The following USP7 variants were observed in gnomAD, a reference collection of about 807,000 sequenced individuals.
The protein encoded by USP7 is ubiquitin specific peptidase 7, also known as ubiquitin C-terminal hydrolase 7.
A neutral mutation model predicts 162.9 loss-of-function variants in USP7; 9 were observed. That is an observed-to-expected ratio of 0.06 (90% CI 0.03 to 0.10). The LOEUF (loss-of-function observed/expected upper bound fraction) is 0.10. Among genes scored for constraint, USP7 ranks in the 10% least tolerant of loss-of-function variants. The probability of loss-of-function intolerance (pLI) is 1.00; values close to 1 mark genes in which losing one functional copy is unlikely to be tolerated. For synonymous variants in USP7, 562 were observed against 475.9 expected, an observed-to-expected ratio of 1.18 and a Z score of -2.35; for missense variants, 715 against 1,373.7, an observed-to-expected ratio of 0.52 and a Z score of 7.58.
intron 1 of USP7, among the ~76,000 whole-genome samples, chr16:8,932,026 T>C (rs1444751062): frequency 2.0e-5 from 3 of 152,110 alleles, no homozygotes; most frequent in Non-Finnish European, 4.4e-5. Flanking sequence ...CAGCAAGCAA[T>C]CTGATTCAGC....
At chr16:8,944,087 T>C (rs1899173740) in intron 1 of USP7, among the ~76,000 whole-genome samples, 1 of 152,154 alleles carries the variant, frequency 6.6e-6, no homozygotes, top group Admixed American at 6.6e-5. Flanking sequence ...TGGGACAATA[T>C]CCATAATACA....
chr16:8,913,220 G>A (rs1049875672), intron 10 of USP7, among the ~76,000 whole-genome samples: 3 of 152,182 alleles, frequency 2.0e-5, no homozygotes, highest in Non-Finnish European at 1.5e-5. Flanking sequence ...GCTGGGCATG[G>A]TGGCGCATGC....
chr16:8,955,552 A>G (rs1341952808), intron 1 of USP7, among the ~76,000 whole-genome samples: 1 of 152,074 alleles, frequency 6.6e-6, no homozygotes, highest in East Asian at 1.9e-4. Context: ...CTAAAATACA[A>G]AAAATTAGCC....
At chr16:8,921,511 A>G (rs1347989840) in intron 3 of USP7, among the ~76,000 whole-genome samples, 1 of 152,244 alleles carries the variant, frequency 6.6e-6, no homozygotes, top group African/African-American at 2.4e-5. Context: ...GATTTCACTC[A>G]TGGTTTCATT....
intron 1 of USP7, among the ~76,000 whole-genome samples, chr16:8,956,554 CAGG>C (rs1386748177): frequency 6.6e-6 from 1 of 152,160 alleles, no homozygotes; most frequent in African/African-American, 2.4e-5. Flanking sequence ...TGCCTGAGCT[CAGG>C]AGGTCAAGAC....
At position 8,899,130 on chromosome 16, in the gene USP7, T is replaced by C. The variant is rs753064549; in HGVS notation, c.2522A>G (p.Lys841Arg). ...CACACATGTGACCTACCCTTGAGAC[T>C]TGAAAAACTGCAGCAACATTGGATC... ...NTDPMLLQFF[K>R]SQGYRDGPGN... Residue 841 changes from lysine to arginine, a missense_variant, in exon 23 of 31, where the codon AAG (lysine) becomes AGG (arginine). By Grantham distance (26) the Lys-to-Arg change is conservative (BLOSUM62 2). Transcript: ENST00000344836. The C allele has an allele frequency of 1.2e-6, 2 of 1,614,204 alleles. No individual in the cohort carries two copies. Among genetic ancestry groups the C allele is most frequent in the East Asian group, 2.2e-5 (1 of 44,892 alleles).
At chr16:8,921,031 C>T (rs923896990) in intron 4 of USP7, 126 bp downstream of exon 4, 4 of 1,083,078 alleles carry the variant, frequency 3.7e-6, no homozygotes, top group African/African-American at 3.2e-5. Context: ...TTTTCAAAGA[C>T]ACTTGTCCAA....
chr16:8,912,424 G>A (rs1329454564), intron 10 of USP7, among the ~76,000 whole-genome samples: 4 of 150,812 alleles, frequency 2.7e-5, no homozygotes, highest in Non-Finnish European at 4.4e-5. Flanking sequence ...CACTCCAGCC[G>A]GGGCGACAGA....
Position 8,945,814 on chromosome 16 carries a change from G to A in USP7, c.80-15417C>T, listed in dbSNP as rs79190405. On this transcript the variant is annotated intron_variant, in intron 1 of 30. Transcript: ENST00000344836. ...CCCTATAATCCCAGCACTTTAGGAA[G>A]CCAAGGCAAGAAGACTGCTTGAGGC... is the stretch of plus-strand genomic sequence containing the variant. Among the ~76,000 whole-genome samples the A allele has an allele frequency of 4.2e-4, 64 of 152,140 alleles. No individual in the cohort carries two copies. The East Asian group carries it at 0.01, about 24-fold the overall frequency.
intron 26 of USP7, among the ~76,000 whole-genome samples, chr16:8,896,188 G>C (rs541960174): frequency 6.9e-6 from 1 of 143,994 alleles, no homozygotes; most frequent in African/African-American, 2.6e-5. Flanking sequence ...CAGAAACAGA[G>C]ACCGGAGGCA....
chr16:8,906,707 G>C (rs1328161984), intron 12 of USP7, 125 bp from the exon 13 acceptor site: 3 of 890,504 alleles, frequency 3.4e-6, no homozygotes, highest in Non-Finnish European at 5.0e-6. Context: ...ATTGCCTTGG[G>C]AAGGCCTATG....
intron 10 of USP7, among the ~76,000 whole-genome samples, chr16:8,913,347 C>A (rs926736491): frequency 1.3e-5 from 2 of 152,066 alleles, no homozygotes; most frequent in Non-Finnish European, 2.9e-5. Flanking sequence ...CAGAGCGAGA[C>A]TCCCTCTCAA....
At position 8,895,662 on chromosome 16, in the gene USP7, T is replaced by G; in HGVS notation, c.2899A>C (p.Ser967Arg). 1 of 1,613,216 alleles carries G rather than the reference T, an allele frequency of 6.2e-7. No homozygotes were observed. The highest frequency in any genetic ancestry group is 8.5e-7 in the Non-Finnish European group (1 of 1,179,796). The change falls in exon 27 of 31, where the codon AGC (serine) becomes CGC (arginine). Residue 967 changes from serine (S) to arginine (R), a missense_variant. Physicochemically the swap from Ser to Arg is moderately radical, Grantham distance 110. Around this residue, in one of 11 missense-constraint regions of USP7, gnomAD observed 222 missense variants for 441.7 expected, o/e 0.50. Transcript: ENST00000344836. ...ELLECLSPAT[S>R]RTFRIEEIPL... Reference sequence around the variant, plus strand: ...GATACCTCTATTCGAAACGTCCGGCTCGTTGCAGGAGATAAACATTCTAAT... The same window carrying G: ...GATACCTCTATTCGAAACGTCCGGCGCGTTGCAGGAGATAAACATTCTAAT...
At chr16:8,934,230 T>C (rs1162953824) in intron 1 of USP7, among the ~76,000 whole-genome samples, 2 of 152,180 alleles carry the variant, frequency 1.3e-5, no homozygotes, top group East Asian at 3.9e-4. Context: ...CACATGTAAG[T>C]GTAAGCAGTC....
chr16:8,906,957 CTGAAAT>C (rs2061869990), intron 12 of USP7, among the ~76,000 whole-genome samples: 1 of 152,208 alleles, frequency 6.6e-6, no homozygotes, highest in Non-Finnish European at 1.5e-5. Context: ...TACAGACATC[CTGAAAT>C]TGACTTAGTT....
chr16:8,935,110 AGTGAT>A (rs1475635886), intron 1 of USP7, among the ~76,000 whole-genome samples: 3 of 152,170 alleles, frequency 2.0e-5, no homozygotes, highest in African/African-American at 7.2e-5. Flanking sequence ...GCCATGTAAG[AGTGAT>A]GTAATACCAA....
At chr16:8,927,044 G>C (rs1377685590) in intron 2 of USP7, among the ~76,000 whole-genome samples, 2 of 152,236 alleles carry the variant, frequency 1.3e-5, no homozygotes, top group African/African-American at 4.8e-5. Flanking sequence ...GCCGGGCGCA[G>C]TGGCTCACGC....
At chr16:8,947,872 C>T (rs999981241) in intron 1 of USP7, among the ~76,000 whole-genome samples, 2 of 152,184 alleles carry the variant, frequency 1.3e-5, no homozygotes, top group African/African-American at 4.8e-5. Flanking sequence ...ACTTTTGAGA[C>T]CCTCAGTGTG....
intron 15 of USP7, 98 bp from the exon 16 acceptor site, chr16:8,903,500 T>G: frequency 7.3e-7 from 1 of 1,378,660 alleles, no homozygotes; most frequent in Non-Finnish European, 9.6e-7. Context: ...AAAACTCATT[T>G]TTTGTTCCAA....
Sources: gnomAD v4.1 joint callset for allele counts (sites outside exome capture counted in the v4.1 genomes callset) on GRCh38, gnomAD v4.1.1 for gene constraint, gnomAD v4.1.1 regional missense constraint, MANE v1.5 for transcripts, NCBI Gene and HGNC (gene_info 2026-07-23, HGNC 2026-07-21) for gene names.